The following HMBOX1 variants were observed in gnomAD, a reference collection of about 807,000 sequenced individuals.
HMBOX1 encodes the protein homeobox containing 1.
In HMBOX1, 14 loss-of-function variants were observed where a neutral mutation model predicts 54.5. That is an observed-to-expected ratio of 0.26 (90% CI 0.17 to 0.40). The LOEUF (loss-of-function observed/expected upper bound fraction) is 0.40. Ranked by LOEUF, HMBOX1 falls within the 10% of genes least tolerant of loss-of-function variation. The pLI is 1.00. For synonymous variants in HMBOX1, 160 were observed against 181.0 expected, an observed-to-expected ratio of 0.88 and a Z score of 0.93; for missense variants, 332 against 514.4, an observed-to-expected ratio of 0.65 and a Z score of 3.43.
At position 29,051,204 on chromosome 8, in the gene HMBOX1, TAGC is replaced by T; in HGVS notation, c.*52_*54del. On this transcript the variant is annotated 3_prime_UTR_variant, in exon 10 of 10. Transcript: ENST00000287701. Reference sequence around the variant, plus strand: ...TTAACTTAGTTTAGACGTAGCACCTTAGCAGACTTTCCTCGGTCCTTAACATGT... The same window carrying T: ...TTAACTTAGTTTAGACGTAGCACCTTAGACTTTCCTCGGTCCTTAACATGT... 6.3e-7 allele frequency: 1 copy of T among 1,596,410 alleles called. No individual in the cohort carries two copies. The highest frequency in any genetic ancestry group is 1.7e-5 in the Admixed American group (1 of 58,358).
chr8:28,923,669 T>C (rs1002679200), intron 1 of HMBOX1, among the ~76,000 whole-genome samples: 1 of 152,234 alleles, frequency 6.6e-6, no homozygotes, highest in Non-Finnish European at 1.5e-5. Flanking sequence ...TTTAACTTCT[T>C]GAGGAACTCC....
chr8:29,026,459 TTG>T (rs1270127604), intron 6 of HMBOX1, among the ~76,000 whole-genome samples: 1 of 152,116 alleles, frequency 6.6e-6, no homozygotes, highest in East Asian at 1.9e-4. Flanking sequence ...TTGTACAACT[TTG>T]TGAATATGCT....
At chr8:28,971,893 ACT>A (rs1482262542) in intron 3 of HMBOX1, among the ~76,000 whole-genome samples, 1 of 152,182 alleles carries the variant, frequency 6.6e-6, no homozygotes, top group African/African-American at 2.4e-5. Flanking sequence ...TATGAAAGAA[ACT>A]GTAACAGGAA....
intron 4 of HMBOX1, among the ~76,000 whole-genome samples, chr8:29,007,314 G>A (rs1159575159): frequency 6.6e-6 from 1 of 151,780 alleles, no homozygotes; most frequent in Non-Finnish European, 1.5e-5. Flanking sequence ...AAAAAAAAAA[G>A]TAGTATTAAA....
chr8:29,047,866 C>CCTAA (rs1480739741), intron 8 of HMBOX1, among the ~76,000 whole-genome samples: 2 of 152,158 alleles, frequency 1.3e-5, no homozygotes, highest in South Asian at 2.1e-4. Flanking sequence ...CGTGCCGGAT[C>CCTAA]CTAACTTCTA....
intron 9 of HMBOX1, 120 bp downstream of exon 9, chr8:29,049,168 A>G: frequency 6.8e-7 from 1 of 1,480,744 alleles, no homozygotes; most frequent in Non-Finnish European, 9.2e-7. Context: ...CTGTCCCTCC[A>G]CTCTGCTCCT....
At chr8:28,895,403 G>A (rs1286268515) in intron 1 of HMBOX1, among the ~76,000 whole-genome samples, 3 of 152,164 alleles carry the variant, frequency 2.0e-5, no homozygotes, top group African/African-American at 4.8e-5. Flanking sequence ...GGCCAGGCAT[G>A]GTGGCTCATG....
chr8:28,930,259 G>A (rs1819258183), intron 1 of HMBOX1, among the ~76,000 whole-genome samples: 1 of 152,036 alleles, frequency 6.6e-6, no homozygotes, highest in Admixed American at 6.6e-5. Context: ...TCTAAGACCT[G>A]GTAGCCTTTT....
chr8:28,994,515 T>A (rs910329174), intron 4 of HMBOX1, among the ~76,000 whole-genome samples: 22 of 152,120 alleles, frequency 1.4e-4, no homozygotes, highest in African/African-American at 5.3e-4. Context: ...GGAGAAAAGA[T>A]TCTACACTAC....
intron 5 of HMBOX1, 32 bp from the exon 6 acceptor site, chr8:29,018,728 G>C: frequency 1.2e-6 from 2 of 1,601,858 alleles, no homozygotes; most frequent in African/African-American, 1.3e-5. Context: ...TAAACTGCAA[G>C]ATATTTGCTA....
intron 6 of HMBOX1, among the ~76,000 whole-genome samples, chr8:29,036,371 T>C (rs754835267): frequency 2.6e-5 from 4 of 152,238 alleles, no homozygotes; most frequent in Non-Finnish European, 4.4e-5. Flanking sequence ...TGCTAGTGCC[T>C]GAAGAGGCAC....
At chr8:28,954,906 A>G (rs1470341703) in intron 1 of HMBOX1, among the ~76,000 whole-genome samples, 1 of 152,184 alleles carries the variant, frequency 6.6e-6, no homozygotes, top group Non-Finnish European at 1.5e-5. Context: ...TACTTTTTAT[A>G]TTCAAGAGAA....
intron 4 of HMBOX1, among the ~76,000 whole-genome samples, chr8:28,996,900 G>T (rs1456274380): frequency 3.3e-5 from 5 of 152,012 alleles, no homozygotes; most frequent in Non-Finnish European, 7.4e-5. Flanking sequence ...TTTTTGGATT[G>T]TTTATAGTTA....
At chr8:28,966,089 T>A (rs945692637) in intron 2 of HMBOX1, among the ~76,000 whole-genome samples, 2 of 152,212 alleles carry the variant, frequency 1.3e-5, no homozygotes, top group Admixed American at 6.5e-5. Flanking sequence ...CCTTTTTACC[T>A]CTGTGATTTC....
At chr8:29,040,621 C>A (rs1045738911) in intron 6 of HMBOX1, among the ~76,000 whole-genome samples, 7 of 152,096 alleles carry the variant, frequency 4.6e-5, no homozygotes, top group Non-Finnish European at 2.9e-5. Context: ...GTTTCAATGA[C>A]AATTCATATT....
chr8:28,939,710 A>G (rs1821021609), intron 1 of HMBOX1, among the ~76,000 whole-genome samples: 1 of 151,834 alleles, frequency 6.6e-6, no homozygotes. Context: ...AGGTTTCACT[A>G]TGTTGGCCAG....
At chr8:28,903,106 TAC>T (rs151039437) in intron 1 of HMBOX1, among the ~76,000 whole-genome samples, 28 of 151,374 alleles carry the variant, frequency 1.8e-4, no homozygotes, top group South Asian at 8.3e-4. Flanking sequence ...AGCTTTCTTT[TAC>T]ACACACACAC....
intron 4 of HMBOX1, among the ~76,000 whole-genome samples, chr8:29,006,613 T>C (rs751434361): frequency 3.3e-5 from 5 of 152,222 alleles, no homozygotes; most frequent in Non-Finnish European, 5.9e-5. Context: ...TTTTTTGTTG[T>C]AGTTTTCTGG....
At chr8:29,049,096 G>C in intron 9 of HMBOX1, 48 bp downstream of exon 9, 5 of 1,539,288 alleles carry the variant, frequency 3.2e-6, no homozygotes, top group Non-Finnish European at 4.5e-6. Flanking sequence ...TGAGCAGGGG[G>C]TATAGTGGGA....
Sources: allele counts gnomAD v4.1 joint callset (sites outside exome capture counted in the v4.1 genomes callset), GRCh38; gene constraint gnomAD v4.1.1; transcripts MANE v1.5; gene names NCBI Gene and HGNC (gene_info 2026-07-23, HGNC 2026-07-21).